EIF4E2: variants seen among roughly 807,000 people sequenced by gnomAD.
The protein encoded by EIF4E2 is eukaryotic translation initiation factor 4E type 2.
In EIF4E2, 13 loss-of-function variants were observed where a neutral mutation model predicts 34.2. That is an observed-to-expected ratio of 0.38 (90% confidence interval 0.25 to 0.60). The LOEUF (loss-of-function observed/expected upper bound fraction) is 0.60. Among genes scored for constraint, EIF4E2 ranks in the 20% least tolerant of loss-of-function variants. EIF4E2 has a pLI of 0.62. For synonymous variants in EIF4E2, 100 were observed against 106.6 expected (o/e 0.94, Z 0.38); for missense variants, 222 against 315.1 (o/e 0.70, Z 2.24).
intron 6 of EIF4E2, among the ~76,000 whole-genome samples, chr2:232,580,704 C>CA (rs1344778127): frequency 6.6e-6 from 1 of 152,110 alleles, no homozygotes; most frequent in Non-Finnish European, 1.5e-5. Context: ...TTTGCTGTTG[C>CA]AAAAAATTGA....
chr2:232,575,909 A>G (rs935531618), intron 6 of EIF4E2, among the ~76,000 whole-genome samples: 3 of 152,002 alleles, frequency 2.0e-5, no homozygotes, highest in Non-Finnish European at 4.4e-5. Flanking sequence ...TAATATTCTT[A>G]AAATTGGGGT....
intron 3 of EIF4E2, among the ~76,000 whole-genome samples, chr2:232,560,176 C>T (rs1259391393): frequency 1.3e-5 from 2 of 152,028 alleles, no homozygotes; most frequent in African/African-American, 4.8e-5. Flanking sequence ...CATACCTTGC[C>T]CTACGCATCT....
intron 4 of EIF4E2, among the ~76,000 whole-genome samples, chr2:232,565,008 A>T (rs1304419888): frequency 6.6e-6 from 1 of 152,050 alleles, no homozygotes; most frequent in East Asian, 1.9e-4. Flanking sequence ...TAAAGTGGGT[A>T]AGAAAATAAG....
intron 3 of EIF4E2, among the ~76,000 whole-genome samples, chr2:232,559,586 C>T (rs1310735506): frequency 5.3e-5 from 8 of 152,008 alleles, no homozygotes; most frequent in African/African-American, 2.4e-5. Flanking sequence ...CCTATGAGGT[C>T]AGTGATATTA....
intron 3 of EIF4E2, among the ~76,000 whole-genome samples, chr2:232,563,780 A>G (rs983052198): frequency 2.6e-5 from 4 of 152,244 alleles, no homozygotes; most frequent in South Asian, 4.1e-4. Flanking sequence ...AGCAAATGCT[A>G]TATTTGCCAG....
downstream of EIF4E2, chr2:232,569,274 C>T (rs551602672): frequency 4.0e-5 from 53 of 1,315,478 alleles, 1 homozygote; most frequent in South Asian, 9.6e-4. Flanking sequence ...CTGACTGTCA[C>T]CATATTAAGG....
At chr2:232,555,944 A>G (rs1188333711) in intron 1 of EIF4E2, among the ~76,000 whole-genome samples, 2 of 9,008 alleles carry the variant, frequency 2.2e-4, no homozygotes, top group African/African-American at 3.5e-3. Context: ...CAGGAAGACC[A>G]GGAATTTATT....
rs1693367886 is a variant in EIF4E2, at chr2:232,581,880, A to C, written c.*937A>C. 1 of 152,266 alleles carries C rather than the reference A, an allele frequency of 6.6e-6. No individual in the cohort carries two copies. The highest frequency in any genetic ancestry group is 1.5e-5 in the Non-Finnish European group (1 of 68,082). The allele number at this position is 152,266 out of a possible 1,614,324, so 9.4% of individuals were successfully genotyped here. A position where few individuals can be genotyped will look rare whatever the true frequency, so the allele number is the denominator to read the frequency against. ...CCAGGCCTATTAACACTTAATATGC[A>C]AATTCTATCATCCTGAAACTGGGGC... On this transcript the variant is annotated 3_prime_UTR_variant, in exon 7 of 7. Transcript: ENST00000409098. This position sits in a 1 kb window ranked among gnomAD's most constrained non-coding sequence, Gnocchi z 5.2.
At chr2:232,568,771 G>A in intron 6 of EIF4E2, 174 bp from the exon 7 acceptor site, 1 of 985,426 alleles carries the variant, frequency 1.0e-6, no homozygotes, top group Non-Finnish European at 1.2e-6. Flanking sequence ...GCCTTAGTCT[G>A]CTAGAAAGAC....
At chr2:232,567,259 A>G (rs1055983294) in intron 6 of EIF4E2, 45 bp downstream of exon 6, 8 of 1,611,468 alleles carry the variant, frequency 5.0e-6, no homozygotes, top group South Asian at 4.4e-5. Context: ...TAAGCTTAGT[A>G]TAAGTAGATC....
Position 232,564,288 on chromosome 2 carries a change from TG to T in EIF4E2, c.316del (p.Asp106ThrfsTer2). ...WRFYSHMVRP[G>X]DLTGHSDFHL... ...GGTTTTATAGCCACATGGTACGTCC[TG>T]GGGACCTGACAGGCCACAGTGACTT... On this transcript the variant is annotated frameshift_variant, in exon 4 of 7. Coordinates refer to ENST00000258416, the MANE Select transcript of EIF4E2 (RefSeq NM_004846.4). LOFTEE classifies it high-confidence loss of function. 1 of 1,599,764 alleles carries T rather than the reference TG, an allele frequency of 6.3e-7. No individual in the cohort carries two copies. The highest frequency in any genetic ancestry group is 8.5e-7 in the Non-Finnish European group (1 of 1,172,088).
rs539870362 is a variant in EIF4E2, at chr2:232,566,090, G to A, written c.376-739G>A. Among the ~76,000 whole-genome samples, 10 of 148,672 alleles carry A rather than the reference G, an allele frequency of 6.7e-5. No individual in the cohort carries two copies. Among genetic ancestry groups the A allele is most frequent in the African/African-American group, 9.9e-5 (4 of 40,368 alleles). On this transcript the variant is annotated intron_variant, in intron 4 of 6. Coordinates refer to ENST00000258416, the MANE Select transcript of EIF4E2 (RefSeq NM_004846.4). The surrounding 1 kb of genome is among the most constrained non-coding windows in gnomAD (Gnocchi z 4.9). ...CTGGGTGACAGCGGGAGACTCCATC[G>A]CAAAAAAGAAAAAAAAAAAAACTAG...
At chr2:232,554,782 T>C (rs1379649661) in intron 1 of EIF4E2, among the ~76,000 whole-genome samples, 1 of 152,238 alleles carries the variant, frequency 6.6e-6, no homozygotes, top group Non-Finnish European at 1.5e-5. Context: ...TTGCTCATTG[T>C]CTTAATTCTC....
chr2:232,559,824 TAAAA>T (rs576233672), intron 3 of EIF4E2, among the ~76,000 whole-genome samples: 132 of 115,450 alleles, frequency 1.1e-3, no homozygotes, highest in Admixed American at 2.5e-3. Context: ...ACGGGAGCAT[TAAAA>T]AAAAAAAAAA....
intron 3 of EIF4E2, among the ~76,000 whole-genome samples, chr2:232,562,667 C>T (rs1191218239): frequency 5.9e-5 from 9 of 152,336 alleles, no homozygotes; most frequent in African/African-American, 2.2e-4. Context: ...CGATTATTGA[C>T]TGGGGAACTG....
At chr2:232,564,212 C>T (rs1378967772) in intron 3 of EIF4E2, 35 bp from the exon 4 acceptor site, 1 of 1,427,770 alleles carries the variant, frequency 7.0e-7, no homozygotes, top group Non-Finnish European at 9.7e-7. Context: ...AAGTAAAAGA[C>T]ACATGTTTTT....
downstream of EIF4E2, among the ~76,000 whole-genome samples, chr2:232,573,439 C>G (rs1433575447): frequency 6.6e-6 from 1 of 152,144 alleles, no homozygotes; most frequent in Non-Finnish European, 1.5e-5. Context: ...GGTAGGAAAT[C>G]AGCTCCCCTG....
intron 1 of EIF4E2, among the ~76,000 whole-genome samples, chr2:232,555,655 A>G (rs1243504099): frequency 1.3e-5 from 2 of 152,154 alleles, no homozygotes; most frequent in Non-Finnish European, 2.9e-5. Flanking sequence ...CTCTCTCTCT[A>G]GTAGGGAAAG....
Position 232,566,287 on chromosome 2 carries a change from C to T in EIF4E2, c.376-542C>T, listed in dbSNP as rs571813481. On this transcript the variant is annotated intron_variant, in intron 4 of 6. Coordinates refer to ENST00000258416, the MANE Select transcript of EIF4E2 (RefSeq NM_004846.4). This position sits in a 1 kb window ranked among gnomAD's most constrained non-coding sequence, Gnocchi z 4.9. ...CTGCAAGCTCTGCCTCCCGAGTTCA[C>T]GCCATTCTCCCGCCTCAGCCTCCCG... 2.2e-3 allele frequency among the ~76,000 whole-genome samples: 331 copies of T among 152,224 alleles called. No individual in the cohort carries two copies. The highest frequency in any genetic ancestry group is 3.6e-3 in the Non-Finnish European group (242 of 68,014).
Sources: gnomAD v4.1 joint callset for allele counts (sites outside exome capture counted in the v4.1 genomes callset) on GRCh38, gnomAD v4.1.1 for gene constraint, Gnocchi (gnomAD v3.1) non-coding constraint, MANE v1.5 for transcripts, NCBI Gene and HGNC (gene_info 2026-07-23, HGNC 2026-07-21) for gene names.